Variants in RGS6 observed in about 807,000 individuals in gnomAD.
RGS6 encodes the protein regulator of G protein signaling 6.
RGS6 carries 30 observed loss-of-function variants against 78.5 expected under a neutral mutation model. That is an observed-to-expected ratio of 0.38 (90% CI 0.29 to 0.52). The LOEUF (loss-of-function observed/expected upper bound fraction) is 0.52. Among genes scored for constraint, RGS6 ranks in the 20% least tolerant of loss-of-function variants. The pLI is 0.85. For missense variants in RGS6, 495 were observed against 609.7 expected (o/e 0.81, Z 1.98); for synonymous variants, 206 against 206.0 (o/e 1.00, Z 0.00).
intron 13 of RGS6, among the ~76,000 whole-genome samples, chr14:72,509,311 G>A (rs528687156): frequency 1.3e-5 from 2 of 150,202 alleles, no homozygotes; most frequent in East Asian, 3.9e-4. Flanking sequence ...GTTGCAGTGA[G>A]CCACAATCAC....
chr14:72,098,908 A>G (rs2095469754), intron 2 of RGS6, among the ~76,000 whole-genome samples: 1 of 152,198 alleles, frequency 6.6e-6, no homozygotes, highest in South Asian at 2.1e-4. Context: ...GGCACACACA[A>G]ACAAACCTGG....
At chr14:72,018,849 C>A (rs1057261254) in intron 2 of RGS6, among the ~76,000 whole-genome samples, 1 of 152,164 alleles carries the variant, frequency 6.6e-6, no homozygotes, top group Non-Finnish European at 1.5e-5. Context: ...TTAGTTGTTG[C>A]TTTGTTTCTG....
the RGS6 span, among the ~76,000 whole-genome samples, chr14:72,578,230 A>G: frequency 6.6e-6 from 1 of 152,176 alleles, no homozygotes; most frequent in Non-Finnish European, 1.5e-5. Flanking sequence ...AAGAAACTTC[A>G]TTATTTTCTG....
At chr14:72,042,387 A>G (rs1596490184) in intron 2 of RGS6, among the ~76,000 whole-genome samples, 1 of 152,018 alleles carries the variant, frequency 6.6e-6, no homozygotes, top group South Asian at 2.1e-4. Context: ...CTTCGGCCTC[A>G]CAAAGTGCTG....
chr14:72,520,887 C>T (rs1435510783), intron 15 of RGS6, among the ~76,000 whole-genome samples: 1 of 152,174 alleles, frequency 6.6e-6, no homozygotes, highest in East Asian at 1.9e-4. Context: ...TTGACATCAT[C>T]CAAATAGCAG....
At chr14:72,598,889 A>G in the RGS6 span, among the ~76,000 whole-genome samples, 1 of 152,216 alleles carries the variant, frequency 6.6e-6, no homozygotes, top group Non-Finnish European at 1.5e-5. Context: ...TCTGGGGAGA[A>G]GGAAGAGACC....
At chr14:71,962,128 A>C (rs1035211756) in intron 1 of RGS6, among the ~76,000 whole-genome samples, 1 of 152,218 alleles carries the variant, frequency 6.6e-6, no homozygotes, top group African/African-American at 2.4e-5. Context: ...AAAACGAGTT[A>C]ATAGAGGAAC....
the RGS6 span, among the ~76,000 whole-genome samples, chr14:71,882,657 C>T: frequency 1.3e-5 from 2 of 152,104 alleles, no homozygotes; most frequent in Admixed American, 1.3e-4. Flanking sequence ...TACAATGGTT[C>T]TTGCCCAATA....
chr14:72,174,393 C>T (rs543034767), intron 2 of RGS6, among the ~76,000 whole-genome samples: 5 of 152,184 alleles, frequency 3.3e-5, no homozygotes, highest in Admixed American at 2.0e-4. Context: ...CCACTGCGCC[C>T]GGTGACCACA....
At chr14:72,127,039 A>C (rs1348988523) in intron 2 of RGS6, among the ~76,000 whole-genome samples, 1 of 152,220 alleles carries the variant, frequency 6.6e-6, no homozygotes, top group African/African-American at 2.4e-5. Flanking sequence ...AGGTTTTATT[A>C]CAAAGCACCC....
chr14:71,879,048 A>C, the RGS6 span, among the ~76,000 whole-genome samples: 1 of 151,916 alleles, frequency 6.6e-6, no homozygotes, highest in Non-Finnish European at 1.5e-5. Flanking sequence ...TTCCCCCCAC[A>C]GCACCCTTAC....
intron 2 of RGS6, among the ~76,000 whole-genome samples, chr14:72,338,010 G>T (rs937046040): frequency 3.3e-5 from 5 of 152,188 alleles, no homozygotes; most frequent in African/African-American, 1.2e-4. Flanking sequence ...AGGAAGCAAA[G>T]AATTTGGAAG....
chr14:72,076,978 T>A (rs1298250843), intron 2 of RGS6, among the ~76,000 whole-genome samples: 1 of 148,920 alleles, frequency 6.7e-6, no homozygotes, highest in African/African-American at 2.5e-5. Context: ...ATAAATGTTA[T>A]ATATATATAG....
At chr14:72,216,898 GA>G (rs1018821731) in intron 2 of RGS6, among the ~76,000 whole-genome samples, 2 of 151,940 alleles carry the variant, frequency 1.3e-5, no homozygotes, top group African/African-American at 4.8e-5. Flanking sequence ...GGTTTTGGAG[GA>G]AAAAAATTTA....
intron 2 of RGS6, among the ~76,000 whole-genome samples, chr14:72,149,408 G>A (rs569239709): frequency 6.6e-6 from 1 of 152,114 alleles, no homozygotes; most frequent in Non-Finnish European, 1.5e-5. Flanking sequence ...ACCACATGGC[G>A]GGGCAGAGAA....
chr14:71,948,549 T>C (rs143001110), intron 1 of RGS6, among the ~76,000 whole-genome samples: 23 of 152,274 alleles, frequency 1.5e-4, no homozygotes, highest in African/African-American at 5.5e-4. Flanking sequence ...GTATAACATA[T>C]TTACAGAAAA....
At chr14:72,429,583 A>G (rs908288921) in intron 3 of RGS6, among the ~76,000 whole-genome samples, 2 of 152,190 alleles carry the variant, frequency 1.3e-5, no homozygotes, top group African/African-American at 4.8e-5. Flanking sequence ...GAAACATATC[A>G]TTCATCAGAA....
chr14:72,602,585 G>C, the RGS6 span, among the ~76,000 whole-genome samples: 1 of 152,204 alleles, frequency 6.6e-6, no homozygotes, highest in South Asian at 2.1e-4. Context: ...AGGCAAGGGT[G>C]AGCTCTCCTG....
intron 2 of RGS6, among the ~76,000 whole-genome samples, chr14:71,984,075 C>T (rs1281303095): frequency 6.6e-6 from 1 of 152,050 alleles, no homozygotes; most frequent in Non-Finnish European, 1.5e-5. Flanking sequence ...CTTTGGTTGG[C>T]CACCTACCAT....
Sources: gnomAD v4.1 joint callset for allele counts (sites outside exome capture counted in the v4.1 genomes callset) on GRCh38, gnomAD v4.1.1 for gene constraint, MANE v1.5 for transcripts, NCBI Gene and HGNC (gene_info 2026-07-23, HGNC 2026-07-21) for gene names.